The following ARHGAP19 variants were observed in gnomAD, a reference collection of about 807,000 sequenced individuals.
ARHGAP19 encodes Rho GTPase activating protein 19, also known as rho GTPase-activating protein 19.
Under a neutral mutation model 60.9 loss-of-function variants are expected in ARHGAP19, and 48 were observed. The ratio of observed to expected loss-of-function variants is 0.79; its 90% CI spans 0.62 to 1.00. The LOEUF (loss-of-function observed/expected upper bound fraction) is 1.00, where lower values mean the gene tolerates loss of function less well. Among genes scored for constraint, ARHGAP19 ranks in the 50% least tolerant of loss-of-function variants. The pLI, the probability that ARHGAP19 is intolerant of heterozygous loss-of-function variation, is 0.00. For synonymous variants in ARHGAP19, 209 were observed against 215.5 expected (o/e 0.97, Z 0.27); for missense variants, 562 against 597.2 (o/e 0.94, Z 0.61).
intron 11 of ARHGAP19, among the ~76,000 whole-genome samples, chr10:97,228,414 C>T (rs1167652229): frequency 1.3e-5 from 2 of 152,172 alleles, no homozygotes; most frequent in Non-Finnish European, 2.9e-5. Flanking sequence ...AACATTATTT[C>T]AATTGAGCCT....
In ARHGAP19 at chr10:97,264,279, C is replaced by T. The variant is rs368304760; in HGVS notation, c.403+547G>A. On this transcript the variant is annotated intron_variant, in intron 3 of 11. Coordinates refer to ENST00000358531, the MANE Select transcript of ARHGAP19 (RefSeq NM_032900.6). ...CAAGCCTAGGCAATATGGCAAAATC[C>T]CATCTCTACAAAAAACTACAAAAAG... Among the ~76,000 whole-genome samples, 7 of 152,068 alleles carry T rather than the reference C, an allele frequency of 4.6e-5. No individual in the cohort carries two copies. In the East Asian group the frequency reaches 1.2e-3, roughly 25 times the overall value.
intron 1 of ARHGAP19, among the ~76,000 whole-genome samples, chr10:97,286,838 TGAG>T (rs1430452398): frequency 2.6e-5 from 4 of 152,264 alleles, no homozygotes; most frequent in African/African-American, 7.2e-5. Flanking sequence ...CTGCCAATTA[TGAG>T]GAGAAGTAGC....
chr10:97,281,611 G>GT (rs1268790046), intron 1 of ARHGAP19, among the ~76,000 whole-genome samples: 2 of 152,148 alleles, frequency 1.3e-5, no homozygotes, highest in African/African-American at 4.8e-5. Flanking sequence ...TTACGGTATT[G>GT]TAAGGTATAG....
At chr10:97,241,748 G>A (rs866148247) in intron 8 of ARHGAP19, among the ~76,000 whole-genome samples, 34 of 150,900 alleles carry the variant, frequency 2.3e-4, no homozygotes, top group Middle Eastern at 7.0e-3. Flanking sequence ...AGTGGCTCAA[G>A]CCTATAATCC....
intron 9 of ARHGAP19, among the ~76,000 whole-genome samples, chr10:97,230,341 T>C (rs1408297687): frequency 6.6e-6 from 1 of 152,224 alleles, no homozygotes; most frequent in Non-Finnish European, 1.5e-5. Flanking sequence ...CTCCCTGTCA[T>C]TTACTCACAC....
intron 5 of ARHGAP19, among the ~76,000 whole-genome samples, chr10:97,258,150 G>C (rs1260897413): frequency 6.6e-6 from 1 of 152,170 alleles, no homozygotes; most frequent in Non-Finnish European, 1.5e-5. Context: ...ATTATGCCCA[G>C]TTTACAGAGG....
At chr10:97,253,944 C>T (rs1251114716) in intron 6 of ARHGAP19, among the ~76,000 whole-genome samples, 1 of 152,102 alleles carries the variant, frequency 6.6e-6, no homozygotes, top group Non-Finnish European at 1.5e-5. Context: ...GGCTTTGGAA[C>T]ATATCTCCCA....
intron 1 of ARHGAP19, among the ~76,000 whole-genome samples, chr10:97,285,665 G>A (rs1199024815): frequency 6.6e-6 from 1 of 151,792 alleles, no homozygotes; most frequent in Non-Finnish European, 1.5e-5. Context: ...GGGATTATAG[G>A]CAACCGCCAC....
intron 1 of ARHGAP19, among the ~76,000 whole-genome samples, chr10:97,272,131 C>CTTTTTTTTTTTTTTTTTT (rs35980234): frequency 1.1e-4 from 9 of 85,648 alleles, no homozygotes; most frequent in Non-Finnish European, 1.8e-4. Flanking sequence ...GGAAATATGT[C>CTTTTTTTTTTTTTTTTTT]TTTTTTTTTT....
At chr10:97,272,381 C>T (rs540427260) in intron 1 of ARHGAP19, among the ~76,000 whole-genome samples, 3 of 151,892 alleles carry the variant, frequency 2.0e-5, no homozygotes, top group South Asian at 2.1e-4. Context: ...GCAATCTGCC[C>T]GCCTTGGTAT....
intron 1 of ARHGAP19, among the ~76,000 whole-genome samples, chr10:97,288,681 TTC>T (rs1843187720): frequency 6.6e-6 from 1 of 152,074 alleles, no homozygotes; most frequent in Non-Finnish European, 1.5e-5. Flanking sequence ...GAGAAAATAT[TTC>T]TCTTAGAAAT....
chr10:97,253,594 G>A (rs1842717854), intron 6 of ARHGAP19, among the ~76,000 whole-genome samples: 2 of 152,144 alleles, frequency 1.3e-5, no homozygotes, highest in African/African-American at 4.8e-5. Flanking sequence ...CATGACTATA[G>A]TTAACAACAA....
intron 1 of ARHGAP19, among the ~76,000 whole-genome samples, chr10:97,285,355 ACAAC>A (rs1280790513): frequency 6.6e-6 from 1 of 151,908 alleles, no homozygotes; most frequent in African/African-American, 2.4e-5. Flanking sequence ...ATTTTTTTTA[ACAAC>A]AGGGTCTCAG....
chr10:97,264,842 A>C lies in ARHGAP19; in HGVS notation c.387T>G (p.Ile129Met). ...EEGIAQIYQL[I>M]EYLHKNLRVE... is the part of the protein sequence containing the mutation. The stretch of plus-strand genomic sequence containing the variant: ...TAGTCTTACTTTTGTGTAGATACTC[A>C]ATCAGTTGGTATATCTGGGCAATGC... The change falls in exon 3 of 12, where the codon ATT (isoleucine) becomes ATG (methionine). Residue 129 changes from isoleucine to methionine, a missense_variant. Transcript: ENST00000358531. The C allele has an allele frequency of 6.2e-7, 1 of 1,611,544 alleles. No homozygotes were observed. Among genetic ancestry groups the C allele is most frequent in the Non-Finnish European group, 8.5e-7 (1 of 1,178,322 alleles).
At chr10:97,231,960 A>G (rs1458394112) in intron 9 of ARHGAP19, among the ~76,000 whole-genome samples, 1 of 149,216 alleles carries the variant, frequency 6.7e-6, no homozygotes, top group East Asian at 1.9e-4. Context: ...ATCCTCATCA[A>G]CATTTGTTAT....
chr10:97,271,280 T>C (rs1364113603), intron 1 of ARHGAP19, among the ~76,000 whole-genome samples: 2 of 152,116 alleles, frequency 1.3e-5, no homozygotes, highest in Admixed American at 1.3e-4. Context: ...TGCTCTTTTG[T>C]ATTTTCTGGA....
At chr10:97,288,554 C>T (rs1291468608) in intron 1 of ARHGAP19, among the ~76,000 whole-genome samples, 18 of 148,348 alleles carry the variant, frequency 1.2e-4, no homozygotes, top group Non-Finnish European at 1.9e-4. Context: ...ACACTCCAGC[C>T]TGGTGACAGA....
chr10:97,288,897 C>T (rs1263441580), intron 1 of ARHGAP19, among the ~76,000 whole-genome samples: 2 of 149,454 alleles, frequency 1.3e-5, no homozygotes, highest in African/African-American at 5.0e-5. Flanking sequence ...TCACTGCAAC[C>T]TCTGCCTCCC....
intron 1 of ARHGAP19, 103 bp downstream of exon 1, chr10:97,292,467 AAG>A: frequency 3.5e-6 from 5 of 1,431,158 alleles, no homozygotes; most frequent in Non-Finnish European, 4.9e-6. Flanking sequence ...CCGTGGGAGA[AAG>A]AAACAAAGCC....
Sources: allele counts gnomAD v4.1 joint callset (sites outside exome capture counted in the v4.1 genomes callset), GRCh38; gene constraint gnomAD v4.1.1; transcripts MANE v1.5; gene names NCBI Gene and HGNC (gene_info 2026-07-23, HGNC 2026-07-21).